The following LYVE1 variants were observed in gnomAD, a reference collection of about 807,000 sequenced individuals.
LYVE1 encodes lymphatic vessel endothelial hyaluronic acid receptor 1.
Under a neutral mutation model 31.5 loss-of-function variants are expected in LYVE1, and 29 were observed. The observed-to-expected ratio is 0.92, with a 90% CI of 0.69 to 1.26. The LOEUF is 1.26. LYVE1 is among the 50% of genes most tolerant of loss of function. The probability of loss-of-function intolerance (pLI) is 0.00; values close to 1 mark genes in which losing one functional copy is unlikely to be tolerated. For missense variants in LYVE1, 376 were observed against 380.2 expected (o/e 0.99, Z 0.09); for synonymous variants, 134 against 139.4 (o/e 0.96, Z 0.27).
intron 1 of LYVE1, among the ~76,000 whole-genome samples, chr11:10,567,852 TATG>T (rs1303144781): frequency 1.3e-5 from 2 of 152,236 alleles, no homozygotes; most frequent in African/African-American, 4.8e-5. Flanking sequence ...TCATTCATGG[TATG>T]ATAAAATCAA....
At chr11:10,561,835 G>A (rs2134005078) in intron 3 of LYVE1, among the ~76,000 whole-genome samples, 1 of 152,296 alleles carries the variant, frequency 6.6e-6, no homozygotes, top group Non-Finnish European at 1.5e-5. Flanking sequence ...GGGTGGGCTA[G>A]CAGAGGGATA....
intron 2 of LYVE1, 60 bp from the exon 3 acceptor site, chr11:10,564,139 C>T: frequency 6.2e-7 from 1 of 1,613,940 alleles, no homozygotes; most frequent in Non-Finnish European, 8.5e-7. Context: ...ATCTCTATTG[C>T]TGAACAAGAA....
intron 1 of LYVE1, among the ~76,000 whole-genome samples, chr11:10,564,981 G>A (rs970425409): frequency 1.7e-4 from 26 of 152,286 alleles, no homozygotes; most frequent in African/African-American, 6.3e-4. Context: ...GAATTTTAGA[G>A]TCAGACTTGG....
intron 3 of LYVE1, among the ~76,000 whole-genome samples, chr11:10,561,876 G>T (rs565709470): frequency 6.6e-6 from 1 of 152,096 alleles, no homozygotes; most frequent in Admixed American, 6.5e-5. Flanking sequence ...CGTAGGTGAC[G>T]GGTTGATGGG....
intron 1 of LYVE1, among the ~76,000 whole-genome samples, chr11:10,566,767 G>A (rs908588786): frequency 2.6e-5 from 4 of 152,164 alleles, no homozygotes; most frequent in African/African-American, 4.8e-5. Flanking sequence ...CATCAGGCAA[G>A]TCAGCATTCT....
chr11:10,560,783 A>C lies in LYVE1; in HGVS notation c.415T>G (p.Cys139Gly). The C allele has an allele frequency of 6.2e-7, 1 of 1,611,634 alleles. No homozygotes were observed. Among genetic ancestry groups the C allele is most frequent in the Non-Finnish European group, 8.5e-7 (1 of 1,177,900 alleles). Residue 139 changes from cysteine to glycine, a missense_variant, in exon 4 of 6, where the codon TGC (cysteine) becomes GGC (glycine). Transcript: ENST00000256178. ...YNSSDTWTNS[C>G]IPEIITTKDP... ...TTGGTGGTGATAATTTCTGGAATGC[A>C]CGAGTTAGTCCAAGTATCTGTTGGG...
At position 10,559,003 on chromosome 11, in the gene LYVE1, G is replaced by A; in HGVS notation, c.*108C>T. On this transcript the variant is annotated 3_prime_UTR_variant, in exon 6 of 6. Coordinates refer to ENST00000256178, the MANE Select transcript of LYVE1 (RefSeq NM_006691.4). The stretch of plus-strand genomic sequence containing the variant: ...AGCTGATTCCAGTTAGGAACCAAGG[G>A]TGGACTTTCTTCTTTGGTTCTTTGG... 1 of 1,008,350 alleles carries A rather than the reference G, an allele frequency of 9.9e-7. No homozygotes were observed. Among genetic ancestry groups the A allele is most frequent in the Non-Finnish European group, 1.5e-6 (1 of 671,956 alleles). 62.5% of individuals were successfully genotyped at this position (1,008,350 alleles called of 1,614,324 possible). A position where few individuals can be genotyped will look rare whatever the true frequency, so the allele number is the denominator to read the frequency against.
At position 10,560,522 on chromosome 11, in the gene LYVE1, A is replaced by C; in HGVS notation, c.676T>G (p.Phe226Val). 6.2e-7 allele frequency: 1 copy of C among 1,611,176 alleles called. No individual in the cohort carries two copies. Among genetic ancestry groups the C allele is most frequent in the Non-Finnish European group, 8.5e-7 (1 of 1,178,152 alleles). ...TEPFVENKAA[F>V]KNEAAGFGGV... ...CCAAACCCAGCAGCTTCATTCTTGA[A>C]TGCTGCTTTATTTTCAACAAATGGT... Residue 226 changes from phenylalanine to valine, a missense_variant, in exon 4 of 6, where the codon TTC becomes GTC. Phe to Val is a conservative substitution (Grantham distance 50, BLOSUM62 -1). Coordinates refer to ENST00000256178, the MANE Select transcript of LYVE1 (RefSeq NM_006691.4).
At position 10,559,277 on chromosome 11, in the gene LYVE1, A is replaced by G; in HGVS notation, c.803T>C (p.Phe268Ser). Residue 268 changes from phenylalanine to serine, a missense_variant, in exon 6 of 6, where the codon TTT becomes TCT. Physicochemically the swap from Phe to Ser is radical, Grantham distance 155 (BLOSUM62 -2). Coordinates refer to ENST00000256178, the MANE Select transcript of LYVE1 (RefSeq NM_006691.4). ...TTCCTTCTGCTGATTCTTGTTTGTA[A>G]AAGGGAAGGCCTTCACATACCTTTA... ...YVKRYVKAFP[F>S]TNKNQQKEMI... 6.2e-7 allele frequency: 1 copy of G among 1,613,944 alleles called. No homozygotes were observed. Among genetic ancestry groups the G allele is most frequent in the Non-Finnish European group, 8.5e-7 (1 of 1,179,948 alleles).
rs1343430949 is a variant in LYVE1 at position 10,559,800 on chromosome 11, G to A, written c.782+16C>T. ...TGACAAAGATTACAAGACTAGCAGT[G>A]CACCAACAACCCTACCTTTTGACAT... On this transcript the variant is annotated intron_variant, in intron 5 of 5. Coordinates refer to ENST00000256178, the MANE Select transcript of LYVE1 (RefSeq NM_006691.4). 5 of 1,611,082 alleles carry A rather than the reference G, an allele frequency of 3.1e-6. No homozygotes were observed. In the Middle Eastern group the frequency reaches 6.6e-4, roughly 213 times the overall value.
At chr11:10,562,199 G>A (rs1389525772) in intron 3 of LYVE1, among the ~76,000 whole-genome samples, 1 of 152,182 alleles carries the variant, frequency 6.6e-6, no homozygotes, top group Admixed American at 6.5e-5. Context: ...AGGTATGCAG[G>A]CATATGTAGC....
At position 10,557,798 on chromosome 11, in the gene LYVE1, A is replaced by G. The variant is rs1180201191; in HGVS notation, c.*1313T>C. ...CCCTTTTATTTTTGCAAACAATATGATATGATCTGGTCCTCACTTTAATTT... is the reference window on the plus strand; with the variant it reads ...CCCTTTTATTTTTGCAAACAATATGGTATGATCTGGTCCTCACTTTAATTT... On this transcript the variant is annotated 3_prime_UTR_variant, in exon 6 of 6. Coordinates refer to ENST00000256178, the MANE Select transcript of LYVE1 (RefSeq NM_006691.4). 6.6e-6 allele frequency: 1 copy of G among 152,238 alleles called. No individual in the cohort carries two copies. Among genetic ancestry groups the G allele is most frequent in the African/African-American group, 2.4e-5 (1 of 41,438 alleles). 9.4% of individuals were successfully genotyped at this position (152,238 alleles called of 1,614,324 possible). A position where few individuals can be genotyped will look rare whatever the true frequency, so the allele number is the denominator to read the frequency against.
At chr11:10,564,811 A>G (rs1464227357) in intron 1 of LYVE1, among the ~76,000 whole-genome samples, 7 of 152,084 alleles carry the variant, frequency 4.6e-5, no homozygotes, top group Admixed American at 4.6e-4. Context: ...TGGGGACACT[A>G]CTATTTGTGA....
At chr11:10,566,414 C>T (rs1258428139) in intron 1 of LYVE1, among the ~76,000 whole-genome samples, 5 of 152,098 alleles carry the variant, frequency 3.3e-5, no homozygotes, top group African/African-American at 1.2e-4. Flanking sequence ...CCAACCCGGC[C>T]CCCAGTTCTT....
intron 1 of LYVE1, 23 bp downstream of exon 1, chr11:10,568,425 T>G: frequency 6.2e-7 from 1 of 1,612,680 alleles, no homozygotes; most frequent in Non-Finnish European, 8.5e-7. Flanking sequence ...TGCTTCAGTT[T>G]GGAAATCTGG....
chr11:10,559,779 A>G lies in LYVE1; in HGVS notation c.782+37T>C, dbSNP rs370002783. On this transcript the variant is annotated intron_variant, in intron 5 of 5. Coordinates refer to ENST00000256178, the MANE Select transcript of LYVE1 (RefSeq NM_006691.4). ...AAAAAGCACAGGATAGAAACATGAC[A>G]AAGATTACAAGACTAGCAGTGCACC... 5.7e-5 allele frequency: 90 copies of G among 1,586,400 alleles called. No individual in the cohort carries two copies. In the African/African-American group the frequency reaches 9.0e-4, roughly 16 times the overall value.
chr11:10,563,110 C>A (rs544167934), intron 3 of LYVE1, among the ~76,000 whole-genome samples: 1 of 151,900 alleles, frequency 6.6e-6, no homozygotes, highest in Non-Finnish European at 1.5e-5. Context: ...CCTGCCACCA[C>A]GCCTGGCTAA....
intron 3 of LYVE1, 132 bp from the exon 4 acceptor site, chr11:10,560,932 T>G: frequency 2.8e-6 from 2 of 706,350 alleles, no homozygotes; most frequent in South Asian, 1.9e-5. Flanking sequence ...AATCTAACCA[T>G]ATCACTTTCT....
chr11:10,564,206 C>A lies in LYVE1; in HGVS notation c.254G>T (p.Cys85Phe). The A allele has an allele frequency of 1.2e-6, 2 of 1,613,910 alleles. No individual in the cohort carries two copies. The highest frequency in any genetic ancestry group is 4.5e-5 in the East Asian group (2 of 44,882). Residue 85 changes from cysteine to phenylalanine, a missense_variant, in exon 2 of 6, where the codon TGC becomes TTC. Transcript: ENST00000256178. ...ETALKASFET[C>F]SYGWVGDGFV... ...AGTGAAACCAGCTTTTTCTCACCTG[C>A]AAGTTTCAAAGCTAGCTTTCAAGGC...
Sources: gnomAD v4.1 joint callset for allele counts (sites outside exome capture counted in the v4.1 genomes callset) on GRCh38, gnomAD v4.1.1 for gene constraint, MANE v1.5 for transcripts, NCBI Gene and HGNC (gene_info 2026-07-23, HGNC 2026-07-21) for gene names.